RAD54L2: variants seen among roughly 807,000 people sequenced by gnomAD.
The protein encoded by RAD54L2 is RAD54 like 2.
In RAD54L2, 27 loss-of-function variants were observed where a neutral mutation model predicts 138.4. That is an observed-to-expected ratio of 0.20 (90% CI 0.14 to 0.27). The LOEUF (loss-of-function observed/expected upper bound fraction) is 0.27, where lower values mean the gene tolerates loss of function less well. RAD54L2 is among the 10% of genes least tolerant of loss of function. The pLI, the probability that RAD54L2 is intolerant of heterozygous loss-of-function variation, is 1.00. For missense variants in RAD54L2, 1,396 were observed against 1,890.2 expected (o/e 0.74, Z 4.85); for synonymous variants, 644 against 723.2 (o/e 0.89, Z 1.76).
intron 3 of RAD54L2, among the ~76,000 whole-genome samples, chr3:51,625,272 G>T (rs1391603287): frequency 6.6e-6 from 1 of 152,060 alleles, no homozygotes; most frequent in Non-Finnish European, 1.5e-5. Context: ...TACAAAATTA[G>T]CTGGGCGTGG....
In RAD54L2 at chr3:51,662,080, A is replaced by G. The variant is rs530369706; in HGVS notation, c.3410-346A>G. 6.6e-6 allele frequency among the ~76,000 whole-genome samples: 1 copy of G among 152,114 alleles called. No individual in the cohort carries two copies. The highest frequency in any genetic ancestry group is 2.4e-5 in the African/African-American group (1 of 41,494). ...AGCTTGATTTTCCTCTTTCCCCCACATTGATCACTGACTGTCTCTTACTGC... is the reference window on the plus strand; with the variant it reads ...AGCTTGATTTTCCTCTTTCCCCCACGTTGATCACTGACTGTCTCTTACTGC... On this transcript the variant is annotated intron_variant, in intron 22 of 22. Transcript: ENST00000684192. The surrounding 1 kb of genome is among the most constrained non-coding windows in gnomAD (Gnocchi z 4.6).
At chr3:51,631,920 C>T (rs1340200534) in intron 7 of RAD54L2, among the ~76,000 whole-genome samples, 1 of 152,188 alleles carries the variant, frequency 6.6e-6, no homozygotes, top group Non-Finnish European at 1.5e-5. Context: ...AGGCGTGAGC[C>T]ACCATGCCTG....
At chr3:51,544,666 C>T (rs1347563711) in intron 2 of RAD54L2, among the ~76,000 whole-genome samples, 2 of 151,864 alleles carry the variant, frequency 1.3e-5, no homozygotes, top group Non-Finnish European at 2.9e-5. Flanking sequence ...TGCAATGGCA[C>T]GATCTTGGCT....
chr3:51,546,767 G>T (rs1277290741), intron 2 of RAD54L2, among the ~76,000 whole-genome samples: 1 of 152,084 alleles, frequency 6.6e-6, no homozygotes, highest in Non-Finnish European at 1.5e-5. Flanking sequence ...GGTGGCTCAC[G>T]CCTGTAATCC....
chr3:51,567,981 A>C (rs1699254692), intron 2 of RAD54L2, among the ~76,000 whole-genome samples: 1 of 149,732 alleles, frequency 6.7e-6, no homozygotes, highest in Non-Finnish European at 1.5e-5. Flanking sequence ...AAAAATGGGG[A>C]CATTTGGATG....
intron 2 of RAD54L2, among the ~76,000 whole-genome samples, chr3:51,585,646 C>T (rs367836790): frequency 2.2e-4 from 33 of 152,242 alleles, no homozygotes; most frequent in African/African-American, 7.5e-4. Context: ...TTCACTCTCA[C>T]GATTGCTATG....
At chr3:51,581,917 C>T (rs1052667022) in intron 2 of RAD54L2, among the ~76,000 whole-genome samples, 1 of 151,796 alleles carries the variant, frequency 6.6e-6, no homozygotes, top group African/African-American at 2.4e-5. Context: ...TCTGTAGTCT[C>T]CCTTCTCTTT....
intron 3 of RAD54L2, among the ~76,000 whole-genome samples, chr3:51,594,442 G>A (rs1261129990): frequency 3.9e-5 from 6 of 152,090 alleles, no homozygotes; most frequent in African/African-American, 1.4e-4. Flanking sequence ...GGGAAACTGG[G>A]GCTCAGAAAG....
chr3:51,553,130 G>A lies in RAD54L2; in HGVS notation c.-55+11480G>A, dbSNP rs562079952. Among the ~76,000 whole-genome samples, 359 of 151,838 alleles carry A rather than the reference G, an allele frequency of 2.4e-3. 1 individual carries two copies. Among genetic ancestry groups the A allele is most frequent in the Admixed American group, 4.1e-3 (63 of 15,216 alleles). ...GTCTCACTCTGTTGCCAGGATGGAG[G>A]GCAGTGGCGCAATCTCGGCTCACTG... On this transcript the variant is annotated intron_variant, in intron 2 of 22. Transcript: ENST00000684192.
chr3:51,587,596 T>G (rs186287865), intron 2 of RAD54L2, among the ~76,000 whole-genome samples: 30 of 152,334 alleles, frequency 2.0e-4, no homozygotes, highest in African/African-American at 7.2e-4. Context: ...CAGCTGTTTT[T>G]TACTTTGAGA....
chr3:51,592,074 T>G (rs1321420524), intron 3 of RAD54L2, among the ~76,000 whole-genome samples: 2 of 136,264 alleles, frequency 1.5e-5, no homozygotes, highest in Non-Finnish European at 3.1e-5. Context: ...TTTTTTTTTT[T>G]TTTTTTTTTG....
intron 19 of RAD54L2, among the ~76,000 whole-genome samples, chr3:51,649,218 A>G (rs1195542938): frequency 1.3e-5 from 2 of 152,032 alleles, no homozygotes; most frequent in African/African-American, 4.8e-5. Flanking sequence ...TTGAAGATCA[A>G]ATGAATGAAA....
chr3:51,633,483 T>C (rs772801370), intron 7 of RAD54L2, 94 bp from the exon 8 acceptor site: 1 of 1,255,736 alleles, frequency 8.0e-7, no homozygotes, highest in Non-Finnish European at 1.1e-6. Flanking sequence ...TAACGCCTTC[T>C]CACTTACTTA....
chr3:51,547,995 G>A (rs934725954), intron 2 of RAD54L2, among the ~76,000 whole-genome samples: 4 of 151,806 alleles, frequency 2.6e-5, no homozygotes, highest in East Asian at 1.9e-4. Flanking sequence ...GCGTTCAAGC[G>A]ATTCTCCTGC....
In RAD54L2 at chr3:51,645,712, G is replaced by T. The variant is rs1277641050; in HGVS notation, c.2778G>T (p.Lys926Asn). 8 of 1,612,842 alleles carry T rather than the reference G, an allele frequency of 5.0e-6. No individual in the cohort carries two copies. The highest frequency in any genetic ancestry group is 6.8e-6 in the Non-Finnish European group (8 of 1,179,510). Residue 926 changes from lysine (K) to asparagine (N), a missense_variant, in exon 18 of 23, where the codon AAG (lysine) becomes AAT (asparagine). Around this residue, in one of 7 missense-constraint regions of RAD54L2, gnomAD observed 634 missense variants for 711.2 expected, o/e 0.89. Coordinates refer to ENST00000684192, the MANE Select transcript of RAD54L2 (RefSeq NM_015106.4). This position sits in a 1 kb window ranked among gnomAD's most constrained non-coding sequence, Gnocchi z 6.1. ...TTTCCTTGAACGTAAAGGGGATCAAGGAGTCAGTCCTGCAACTGGCCTGTC... is the reference window on the plus strand; with the variant it reads ...TTTCCTTGAACGTAAAGGGGATCAATGAGTCAGTCCTGCAACTGGCCTGTC... ...PQVSLNVKGI[K>N]ESVLQLACLK...
intron 2 of RAD54L2, among the ~76,000 whole-genome samples, chr3:51,565,117 C>T (rs1272588783): frequency 6.6e-6 from 1 of 152,096 alleles, no homozygotes; most frequent in Non-Finnish European, 1.5e-5. Context: ...GCATGAGTTG[C>T]TAGAATGTCA....
chr3:51,575,875 C>T (rs973717820), intron 2 of RAD54L2, among the ~76,000 whole-genome samples: 1 of 152,130 alleles, frequency 6.6e-6, no homozygotes, highest in African/African-American at 2.4e-5. Flanking sequence ...CCAGAACTTC[C>T]AACACTATGT....
intron 22 of RAD54L2, 148 bp downstream of exon 22, chr3:51,660,266 A>T: frequency 1.7e-6 from 1 of 575,842 alleles, no homozygotes; most frequent in Non-Finnish European, 2.9e-6. Flanking sequence ...AAAAGTAAGT[A>T]TTTTTGTGTG....
chr3:51,542,193 G>A lies in RAD54L2; in HGVS notation c.-55+543G>A, dbSNP rs576641824. ...TTTTGTTTTTCCATCTGTAAAATGG[G>A]CCTAATACAGCCTTCTTTGCAGATT... On this transcript the variant is annotated intron_variant, in intron 2 of 22. Transcript: ENST00000684192. Among the ~76,000 whole-genome samples the A allele has an allele frequency of 6.6e-5, 10 of 152,258 alleles. No homozygotes were observed. The South Asian group carries it at 1.2e-3, about 19-fold the overall frequency.
Sources: gnomAD v4.1 joint callset for allele counts (sites outside exome capture counted in the v4.1 genomes callset) on GRCh38, gnomAD v4.1.1 for gene constraint, gnomAD v4.1.1 regional missense constraint, Gnocchi (gnomAD v3.1) non-coding constraint, MANE v1.5 for transcripts, NCBI Gene and HGNC (gene_info 2026-07-23, HGNC 2026-07-21) for gene names.